DPP6: variants seen among roughly 807,000 people sequenced by gnomAD.
The protein encoded by DPP6 is dipeptidyl peptidase like 6, also known as A-type potassium channel modulatory protein DPP6.
Under a neutral mutation model 122.6 loss-of-function variants are expected in DPP6, and 69 were observed. That is an observed-to-expected ratio of 0.56 (90% CI 0.46 to 0.69). The LOEUF (loss-of-function observed/expected upper bound fraction) is 0.69. Ranked by LOEUF, DPP6 falls within the 30% of genes least tolerant of loss-of-function variation. The probability of loss-of-function intolerance (pLI) is 0.00; values close to 1 mark genes in which losing one functional copy is unlikely to be tolerated. For missense variants in DPP6, 928 were observed against 1,116.9 expected, an observed-to-expected ratio of 0.83 and a Z score of 2.41; for synonymous variants, 418 against 433.1, an observed-to-expected ratio of 0.97 and a Z score of 0.43.
At chr7:154,462,106 A>G (rs999663166) in intron 2 of DPP6, among the ~76,000 whole-genome samples, 1 of 152,150 alleles carries the variant, frequency 6.6e-6, no homozygotes, top group African/African-American at 2.4e-5. Flanking sequence ...TTCAACATTT[A>G]TTGAAGAGAC....
intron 1 of DPP6, among the ~76,000 whole-genome samples, chr7:153,973,632 CGTGTGTGTGTGTGTGTGTGTGT>C (rs773321136): frequency 1.8e-5 from 2 of 113,420 alleles, no homozygotes; most frequent in Non-Finnish European, 3.8e-5. Flanking sequence ...CACCATCGCT[CGTGTGTGTGTGTGTGTGTGTGT>C]GTGTGTGTGT....
chr7:154,695,199 C>T (rs933303249), intron 7 of DPP6, among the ~76,000 whole-genome samples: 7 of 152,092 alleles, frequency 4.6e-5, no homozygotes, highest in Admixed American at 1.3e-4. Context: ...GTGCATGACG[C>T]CCAAGACTAT....
intron 1 of DPP6, among the ~76,000 whole-genome samples, chr7:153,918,596 C>CAG (rs1563006317): frequency 0.029 from 3,837 of 131,432 alleles, 47 homozygotes; most frequent in African/African-American, 0.061. Context: ...CTCTCTCTCT[C>CAG]TCTCTCTCTC....
At chr7:154,476,970 G>A (rs55918613) in intron 3 of DPP6, among the ~76,000 whole-genome samples, 3,896 of 151,730 alleles carry the variant, frequency 0.026, 69 homozygotes, top group Non-Finnish European at 0.037. Flanking sequence ...TCCCAGCTAC[G>A]TGGGAGGCTG....
chr7:154,417,498 G>A (rs974091969), intron 1 of DPP6, among the ~76,000 whole-genome samples: 1 of 152,158 alleles, frequency 6.6e-6, no homozygotes, highest in Non-Finnish European at 1.5e-5. Flanking sequence ...CTAGGCACCT[G>A]AGGTGGGCTA....
chr7:153,900,818 C>G (rs140786033), intron 1 of DPP6, among the ~76,000 whole-genome samples: 1 of 152,120 alleles, frequency 6.6e-6, no homozygotes, highest in Non-Finnish European at 1.5e-5. Flanking sequence ...ATCCGTAGCA[C>G]GCTTTATGGT....
chr7:154,240,038 A>T (rs1344135212), intron 1 of DPP6, among the ~76,000 whole-genome samples: 3 of 133,826 alleles, frequency 2.2e-5, no homozygotes, highest in South Asian at 4.8e-4. Flanking sequence ...AAAAAAAAAA[A>T]GTGATACAAG....
chr7:154,185,112 C>T (rs1193225400), intron 1 of DPP6, among the ~76,000 whole-genome samples: 1 of 152,196 alleles, frequency 6.6e-6, no homozygotes, highest in Non-Finnish European at 1.5e-5. Flanking sequence ...AAATCTCAGT[C>T]TTTGCATTGT....
chr7:154,432,369 CAATT>C (rs567354954), intron 1 of DPP6, among the ~76,000 whole-genome samples: 93 of 152,170 alleles, frequency 6.1e-4, no homozygotes, highest in Non-Finnish European at 1.1e-3. Flanking sequence ...ATAATAGTCA[CAATT>C]AATCAGTACA....
intron 1 of DPP6, among the ~76,000 whole-genome samples, chr7:154,210,515 C>A (rs1799683385): frequency 6.6e-6 from 1 of 152,132 alleles, no homozygotes; most frequent in African/African-American, 2.4e-5. Flanking sequence ...ATGATTAATA[C>A]CTAGGAAAAA....
chr7:153,938,290 G>A (rs117021588), intron 1 of DPP6, among the ~76,000 whole-genome samples: 5,681 of 152,260 alleles, frequency 0.037, 165 homozygotes, highest in Middle Eastern at 0.061. Context: ...GGGGATTGGG[G>A]ACTTCCCATT....
intron 7 of DPP6, among the ~76,000 whole-genome samples, chr7:154,691,590 C>T (rs995589831): frequency 6.6e-6 from 1 of 152,020 alleles, no homozygotes; most frequent in Admixed American, 6.5e-5. Context: ...GAAGCCGAGG[C>T]GGGTGGATCA....
chr7:154,120,393 C>T (rs71532647), intron 1 of DPP6, among the ~76,000 whole-genome samples: 10 of 152,034 alleles, frequency 6.6e-5, no homozygotes, highest in Admixed American at 1.3e-4. Flanking sequence ...TACAGGTGTC[C>T]GCCACCATGC....
At chr7:154,575,829 T>G (rs1258424784) in intron 5 of DPP6, among the ~76,000 whole-genome samples, 1 of 151,540 alleles carries the variant, frequency 6.6e-6, no homozygotes, top group Non-Finnish European at 1.5e-5. Context: ...GTGTGTGTGT[T>G]GTTCTGGCTA....
intron 7 of DPP6, among the ~76,000 whole-genome samples, chr7:154,674,034 C>T (rs1041754661): frequency 7.2e-5 from 11 of 152,230 alleles, no homozygotes; most frequent in Non-Finnish European, 1.2e-4. Flanking sequence ...TGCCACCATA[C>T]GTGGCTAATT....
intron 6 of DPP6, among the ~76,000 whole-genome samples, chr7:154,662,534 G>C (rs1837797632): frequency 2.4e-5 from 1 of 41,792 alleles, no homozygotes; most frequent in African/African-American, 7.9e-5. Context: ...TATAGTCATG[G>C]TGAATCACCA....
intron 1 of DPP6, among the ~76,000 whole-genome samples, chr7:153,952,304 A>G (rs1041851435): frequency 1.3e-5 from 2 of 152,238 alleles, no homozygotes; most frequent in African/African-American, 4.8e-5. Flanking sequence ...CTGCAACCAC[A>G]TTGTGAAATA....
chr7:154,558,980 T>G (rs1330507813), intron 4 of DPP6, among the ~76,000 whole-genome samples: 1 of 152,124 alleles, frequency 6.6e-6, no homozygotes, highest in African/African-American at 2.4e-5. Flanking sequence ...AAATATCTGG[T>G]GTTAATTTAA....
At chr7:154,644,899 C>T (rs565639524) in intron 6 of DPP6, among the ~76,000 whole-genome samples, 26 of 151,884 alleles carry the variant, frequency 1.7e-4, no homozygotes, top group African/African-American at 5.1e-4. Flanking sequence ...TTAGTAGATA[C>T]GACGTTTCAC....
Sources: gnomAD v4.1 joint callset for allele counts (sites outside exome capture counted in the v4.1 genomes callset) on GRCh38, gnomAD v4.1.1 for gene constraint, MANE v1.5 for transcripts, NCBI Gene and HGNC (gene_info 2026-07-23, HGNC 2026-07-21) for gene names.